The following DOCK8 variants were observed in gnomAD, a reference collection of about 807,000 sequenced individuals.
DOCK8 encodes dedicator of cytokinesis 8.
DOCK8 carries 141 observed loss-of-function variants against 245.6 expected under a neutral mutation model. The observed-to-expected ratio is 0.57, with a 90% CI of 0.50 to 0.66. The LOEUF (loss-of-function observed/expected upper bound fraction) is 0.66. Among genes scored for constraint, DOCK8 ranks in the 30% least tolerant of loss-of-function variants. The pLI is 0.00. For missense variants in DOCK8, 2,965 were observed against 2,603.4 expected (o/e 1.14, Z -3.02); for synonymous variants, 1,168 against 970.2 (o/e 1.20, Z -3.79).
At chr9:340,436 C>T (rs952869244) in intron 14 of DOCK8, 115 bp downstream of exon 14, 2 of 1,337,240 alleles carry the variant, frequency 1.5e-6, no homozygotes, top group East Asian at 2.4e-5. Context: ...GCCTTGGCAA[C>T]ATGGCAAAAC....
At chr9:315,897 C>G (rs1381622545) in intron 6 of DOCK8, among the ~76,000 whole-genome samples, 2 of 152,190 alleles carry the variant, frequency 1.3e-5, no homozygotes, top group African/African-American at 4.8e-5. Flanking sequence ...TTAGGGAGAT[C>G]TTCCCTTTAG....
At chr9:455,304 G>A (rs1398503128) in intron 46 of DOCK8, among the ~76,000 whole-genome samples, 1 of 151,830 alleles carries the variant, frequency 6.6e-6, no homozygotes, top group African/African-American at 2.4e-5. Flanking sequence ...GACCAGCCTG[G>A]GCAACATGGC....
chr9:361,765 GAAGT>G (rs1322614681), intron 14 of DOCK8, among the ~76,000 whole-genome samples: 2 of 152,048 alleles, frequency 1.3e-5, no homozygotes, highest in Admixed American at 1.3e-4. Context: ...GCCGTATATT[GAAGT>G]AACAAAAATA....
chr9:434,955 G>A lies in DOCK8; in HGVS notation c.5059G>A (p.Val1687Met), dbSNP rs767895149. ...GCTGGAGGACCACAGCTACCTGCCC[G>A]TGGGCAGTGTCAGCTTCCAGGTAGG... is the stretch of plus-strand genomic sequence containing the variant. The part of the protein sequence containing the change: ...SMLEDHSYLP[V>M]GSVSFQNISS... The change falls in exon 39 of 48, where the codon GTG (valine) becomes ATG (methionine). Residue 1687 changes from valine to methionine, a missense_variant. This residue lies in a region of DOCK8 where 2,825 missense variants were observed against 2,453.5 expected (regional missense o/e 1.15). Coordinates refer to ENST00000432829, the MANE Select transcript of DOCK8 (RefSeq NM_203447.4). The A allele has an allele frequency of 4.3e-6, 7 of 1,613,010 alleles. No homozygotes were observed. The highest frequency in any genetic ancestry group is 1.9e-4 in the Middle Eastern group (1 of 5,196).
intron 29 of DOCK8, 133 bp downstream of exon 29, chr9:415,084 A>C: frequency 7.9e-7 from 1 of 1,264,690 alleles, no homozygotes; most frequent in South Asian, 1.2e-5. Flanking sequence ...ATGGTCTCCA[A>C]ACCTCTTTAA....
chr9:273,688 CTTT>C (rs774289439), intron 2 of DOCK8, among the ~76,000 whole-genome samples: 3 of 140,060 alleles, frequency 2.1e-5, no homozygotes, highest in Non-Finnish European at 3.1e-5. Context: ...AGCTTTTACT[CTTT>C]TTTTTTTTTT....
At chr9:383,513 C>A (rs558463256) in intron 22 of DOCK8, among the ~76,000 whole-genome samples, 32 of 152,142 alleles carry the variant, frequency 2.1e-4, no homozygotes, top group Non-Finnish European at 4.3e-4. Flanking sequence ...GCCTGGGCAA[C>A]AAGAGCAAAA....
chr9:386,331 A>G lies in DOCK8; in HGVS notation c.2779A>G (p.Ile927Val), dbSNP rs759239515. 4.6e-5 allele frequency: 74 copies of G among 1,613,348 alleles called. No individual in the cohort carries two copies. The highest frequency in any genetic ancestry group is 3.3e-4 in the Middle Eastern group (2 of 6,080). ...EEVKNIMSSK[I>V]ADRNCSRMSY... ...TTAAGCCATGGTTTGTGTATTTTAG[A>G]TCGCCGATCGCAACTGCAGCCGAAT... is the stretch of plus-strand genomic sequence containing the variant. The change falls in exon 23 of 48, where the codon ATC becomes GTC. Residue 927 changes from isoleucine (I) to valine (V), a missense_variant and splice_region_variant. By Grantham distance (29) the Ile-to-Val change is conservative (BLOSUM62 3). Coordinates refer to ENST00000432829, the MANE Select transcript of DOCK8 (RefSeq NM_203447.4).
chr9:286,742 TACTC>T (rs765776495), intron 3 of DOCK8, 106 bp downstream of exon 3: 18 of 1,069,786 alleles, frequency 1.7e-5, no homozygotes, highest in East Asian at 2.5e-5. Flanking sequence ...AAAATAAAAT[TACTC>T]AATCCATTCA....
chr9:322,745 A>G (rs2050571591), intron 7 of DOCK8, among the ~76,000 whole-genome samples: 1 of 152,190 alleles, frequency 6.6e-6, no homozygotes, highest in Non-Finnish European at 1.5e-5. Flanking sequence ...GGGAGTAAAC[A>G]ATTAAATATA....
chr9:454,533 G>A (rs1371290677), intron 46 of DOCK8: 1 of 151,028 alleles, frequency 6.6e-6, no homozygotes, highest in East Asian at 1.9e-4. Context: ...AGGACCACGA[G>A]ACTCTGTCAG....
chr9:337,606 A>T (rs10758163), intron 12 of DOCK8, among the ~76,000 whole-genome samples: 40,097 of 151,946 alleles, frequency 0.26, 5,766 homozygotes, highest in Middle Eastern at 0.36. Flanking sequence ...AGAGAGGGTG[A>T]CCATTCCAGA....
chr9:414,097 G>T (rs148037205), intron 28 of DOCK8, among the ~76,000 whole-genome samples: 1 of 150,568 alleles, frequency 6.6e-6, no homozygotes, highest in African/African-American at 2.4e-5. Flanking sequence ...AGCCGAGATC[G>T]TGTCATTGCA....
chr9:249,716 C>G (rs1340961322), intron 1 of DOCK8, among the ~76,000 whole-genome samples: 1 of 152,024 alleles, frequency 6.6e-6, no homozygotes, highest in African/African-American at 2.4e-5. Context: ...CTCCCAGGTT[C>G]AAGCGATTCT....
chr9:239,938 G>A (rs1263016222), intron 1 of DOCK8, among the ~76,000 whole-genome samples: 1 of 152,038 alleles, frequency 6.6e-6, no homozygotes, highest in East Asian at 1.9e-4. Context: ...AGTCTGTATT[G>A]AGCTACATTG....
intron 37 of DOCK8, 58 bp from the exon 38 acceptor site, chr9:433,817 T>A: frequency 7.1e-7 from 1 of 1,410,672 alleles, no homozygotes; most frequent in Non-Finnish European, 1.0e-6. Flanking sequence ...AATGTAATCC[T>A]AACTCTTCAC....
At chr9:434,057 C>G (rs1396133695) in intron 38 of DOCK8, 82 bp downstream of exon 38, 1 of 957,210 alleles carries the variant, frequency 1.0e-6, no homozygotes, top group Non-Finnish European at 1.7e-6. Flanking sequence ...ATGTAATGAT[C>G]ACAGCTAACA....
At chr9:269,805 A>C (rs960626896) in intron 1 of DOCK8, among the ~76,000 whole-genome samples, 1 of 151,968 alleles carries the variant, frequency 6.6e-6, no homozygotes, top group East Asian at 1.9e-4. Context: ...TGATCTGCCC[A>C]CTTCAGCCCC....
intron 14 of DOCK8, among the ~76,000 whole-genome samples, chr9:356,838 T>G (rs999246323): frequency 2.0e-5 from 2 of 101,078 alleles, no homozygotes; most frequent in African/African-American, 5.6e-5. Flanking sequence ...ATGGGCATCT[T>G]ACTTGAAAAA....
Sources: gnomAD v4.1 joint callset for allele counts (sites outside exome capture counted in the v4.1 genomes callset) on GRCh38, gnomAD v4.1.1 for gene constraint, gnomAD v4.1.1 regional missense constraint, MANE v1.5 for transcripts, NCBI Gene and HGNC (gene_info 2026-07-23, HGNC 2026-07-21) for gene names.